The following SIAH3 variants were observed in gnomAD, a reference collection of about 807,000 sequenced individuals.
The protein encoded by SIAH3 is siah E3 ubiquitin protein ligase family member 3.
Under a neutral mutation model 12.6 loss-of-function variants are expected in SIAH3, and 9 were observed. The observed-to-expected ratio is 0.72, with a 90% CI of 0.43 to 1.25. The LOEUF (loss-of-function observed/expected upper bound fraction) is 1.25, where lower values mean the gene tolerates loss of function less well. Ranked by LOEUF, SIAH3 falls within the 50% of genes most tolerant of loss-of-function variation. The probability of loss-of-function intolerance (pLI) is 0.00; values close to 1 mark genes in which losing one functional copy is unlikely to be tolerated. For missense variants in SIAH3, 390 were observed against 365.4 expected, an observed-to-expected ratio of 1.07 and a Z score of -0.55; for synonymous variants, 154 against 151.1, an observed-to-expected ratio of 1.02 and a Z score of -0.14.
At position 45,783,962 on chromosome 13, in the gene SIAH3, G is replaced by A. The variant is rs1174056572; in HGVS notation, c.231C>T (p.His77=). Residue 77 remains histidine (H), a synonymous_variant, in exon 2 of 2, where the codon CAC becomes CAT. Coordinates refer to ENST00000400405, the MANE Select transcript of SIAH3 (RefSeq NM_198849.3). ...HLSHHHCHHR[H]HHHLRHHAHP... is the part of the protein sequence containing the mutation. ...GGGCGTGGTGGCGGAGGTGGTGGTG[G>A]TGGCGGTGGTGGCAGTGGTGGTGGG... is the stretch of plus-strand genomic sequence containing the variant. 6.2e-7 allele frequency: 1 copy of A among 1,605,058 alleles called. No individual in the cohort carries two copies. The highest frequency in any genetic ancestry group is 8.5e-7 in the Non-Finnish European group (1 of 1,175,956).
At chr13:45,792,498 C>T (rs144469964) in intron 1 of SIAH3, among the ~76,000 whole-genome samples, 3,756 of 152,072 alleles carry the variant, frequency 0.025, 160 homozygotes, top group African/African-American at 0.084. Context: ...GCTGGGATTA[C>T]AGACAGGTGC....
intron 1 of SIAH3, among the ~76,000 whole-genome samples, chr13:45,836,612 G>A (rs1950718768): frequency 6.6e-6 from 1 of 152,154 alleles, no homozygotes; most frequent in African/African-American, 2.4e-5. Context: ...AACAACACTG[G>A]GCACCTGTGA....
intron 1 of SIAH3, among the ~76,000 whole-genome samples, chr13:45,824,049 T>C (rs1950665234): frequency 6.6e-6 from 1 of 152,232 alleles, no homozygotes; most frequent in African/African-American, 2.4e-5. Flanking sequence ...TAGTACCAAA[T>C]AGTCTACATT....
intron 1 of SIAH3, among the ~76,000 whole-genome samples, chr13:45,793,248 T>C (rs1950551923): frequency 6.6e-6 from 1 of 152,176 alleles, no homozygotes; most frequent in Non-Finnish European, 1.5e-5. Flanking sequence ...AGCAGAGGTG[T>C]TAGGAGGTTA....
intron 1 of SIAH3, among the ~76,000 whole-genome samples, chr13:45,816,547 A>C (rs1318768748): frequency 6.6e-6 from 1 of 152,216 alleles, no homozygotes; most frequent in Non-Finnish European, 1.5e-5. Context: ...TCAAATGTAA[A>C]TGTCAACATA....
Position 45,779,827 on chromosome 13 carries a change from G to A in SIAH3, c.*3556C>T, listed in dbSNP as rs563893466. ...AATGTCCAGAGTAGCCACAGCTAGT[G>A]ATGGGGTTTACCAGGTACAGATTCA... On this transcript the variant is annotated 3_prime_UTR_variant, in exon 2 of 2. Transcript: ENST00000400405. 21 of 152,332 alleles carry A rather than the reference G, an allele frequency of 1.4e-4. No individual in the cohort carries two copies. Among genetic ancestry groups the A allele is most frequent in the Admixed American group, 1.4e-3 (21 of 15,302 alleles). The allele number at this position is 152,332 out of a possible 1,614,324, so 9.4% of individuals were successfully genotyped here.
In SIAH3 at chr13:45,798,674, G is replaced by A. The variant is rs141398248; in HGVS notation, c.136-14617C>T. On this transcript the variant is annotated intron_variant, in intron 1 of 1. Coordinates refer to ENST00000400405, the MANE Select transcript of SIAH3 (RefSeq NM_198849.3). ...CTCTAACTGTAACCAGTCTAATCAT[G>A]GCTTTGCTCACTTCGGCACTGGCCC... 2.6e-3 allele frequency among the ~76,000 whole-genome samples: 394 copies of A among 152,336 alleles called. 1 individual carries two copies. The highest frequency in any genetic ancestry group is 8.8e-3 in the African/African-American group (367 of 41,580).
chr13:45,819,482 T>C (rs999933532), intron 1 of SIAH3, among the ~76,000 whole-genome samples: 1 of 151,908 alleles, frequency 6.6e-6, no homozygotes, highest in African/African-American at 2.4e-5. Context: ...CATTATGGCC[T>C]CTACAAGAAA....
At chr13:45,816,009 C>T (rs914938427) in intron 1 of SIAH3, among the ~76,000 whole-genome samples, 4 of 152,172 alleles carry the variant, frequency 2.6e-5, no homozygotes, top group South Asian at 2.1e-4. Flanking sequence ...CCACGAGTTA[C>T]GGAGCATCAT....
chr13:45,850,249 G>A (rs1379211156), intron 1 of SIAH3, among the ~76,000 whole-genome samples: 1 of 152,150 alleles, frequency 6.6e-6, no homozygotes, highest in African/African-American at 2.4e-5. Flanking sequence ...CCAGGCAGCT[G>A]TCTTTCGGCG....
chr13:45,799,701 C>T (rs955117762), intron 1 of SIAH3, among the ~76,000 whole-genome samples: 6 of 152,124 alleles, frequency 3.9e-5, no homozygotes, highest in Admixed American at 6.5e-5. Flanking sequence ...CCAGGCTTCC[C>T]GCTCCTCTCC....
At chr13:45,845,868 A>C (rs1327149631) in intron 1 of SIAH3, among the ~76,000 whole-genome samples, 1 of 152,032 alleles carries the variant, frequency 6.6e-6, no homozygotes, top group East Asian at 1.9e-4. Flanking sequence ...TGTGAAGAAA[A>C]TGTGGCTGTG....
intron 1 of SIAH3, among the ~76,000 whole-genome samples, chr13:45,796,287 G>GT (rs1950562403): frequency 6.6e-6 from 1 of 152,104 alleles, no homozygotes; most frequent in Non-Finnish European, 1.5e-5. Flanking sequence ...GAGAACGGAT[G>GT]TATGTGGCCA....
intron 1 of SIAH3, among the ~76,000 whole-genome samples, chr13:45,829,125 A>T (rs549400176): frequency 6.6e-6 from 1 of 152,314 alleles, no homozygotes; most frequent in Admixed American, 6.5e-5. Context: ...GATTTTACTC[A>T]CTTTGCAATG....
In SIAH3 at chr13:45,839,692, C is replaced by T. The variant is rs867977132; in HGVS notation, c.135+11803G>A. Among the ~76,000 whole-genome samples, 7 of 151,978 alleles carry T rather than the reference C, an allele frequency of 4.6e-5. No individual in the cohort carries two copies. The South Asian group carries it at 1.0e-3, about 23-fold the overall frequency. ...CTAAAAATACAAAAAATTAGCCGGG[C>T]GTGGTGGTACCTGCCTGTAATCCCA... On this transcript the variant is annotated intron_variant, in intron 1 of 1. Transcript: ENST00000400405.
At chr13:45,834,698 G>A (rs368589696) in intron 1 of SIAH3, among the ~76,000 whole-genome samples, 6 of 152,238 alleles carry the variant, frequency 3.9e-5, no homozygotes, top group African/African-American at 4.8e-5. Context: ...CCGACCTACT[G>A]TGGGCCAGAA....
intron 1 of SIAH3, among the ~76,000 whole-genome samples, chr13:45,832,055 G>A (rs78277941): frequency 0.024 from 3,626 of 152,268 alleles, 121 homozygotes; most frequent in African/African-American, 0.077. Flanking sequence ...AGAGCCAGCC[G>A]GAAGTGCCTA....
Position 45,800,224 on chromosome 13 carries a change from G to A in SIAH3, c.136-16167C>T, listed in dbSNP as rs554905779. Among the ~76,000 whole-genome samples the A allele has an allele frequency of 2.0e-5, 3 of 152,262 alleles. No homozygotes were observed. In the South Asian group the frequency reaches 6.2e-4, roughly 32 times the overall value. On this transcript the variant is annotated intron_variant, in intron 1 of 1. Transcript: ENST00000400405. ...GCCTAAATATTGCACTTGTAGTCTT[G>A]TAAACTGTTTTTTTTCTACTTGATA...
rs1241392767 is a variant in SIAH3, at chr13:45,783,280, A to G, written c.*103T>C. On this transcript the variant is annotated 3_prime_UTR_variant, in exon 2 of 2. Transcript: ENST00000400405. ...ATAATAATTAAAAATTAAAAAAAAA[A>G]AAAAGAAAGGAGAAGAATAAAAAGG... is the stretch of plus-strand genomic sequence containing the variant. 1.2e-6 allele frequency: 1 copy of G among 812,424 alleles called. No individual in the cohort carries two copies. The highest frequency in any genetic ancestry group is 1.8e-6 in the Non-Finnish European group (1 of 570,022). 50.3% of individuals were successfully genotyped at this position (812,424 alleles called of 1,614,324 possible).
Sources: gnomAD v4.1 joint callset for allele counts (sites outside exome capture counted in the v4.1 genomes callset) on GRCh38, gnomAD v4.1.1 for gene constraint, MANE v1.5 for transcripts, NCBI Gene and HGNC (gene_info 2026-07-23, HGNC 2026-07-21) for gene names.